Variants in FBXL20 observed in about 807,000 individuals in gnomAD.
The protein encoded by FBXL20 is F-box/LRR-repeat protein 20.
In FBXL20, 11 loss-of-function variants were observed where a neutral mutation model predicts 64.0. That is an observed-to-expected ratio of 0.17 (90% CI 0.11 to 0.28). The LOEUF is 0.28. Ranked by LOEUF, FBXL20 falls within the 10% of genes least tolerant of loss-of-function variation. The probability of loss-of-function intolerance (pLI) is 1.00; values close to 1 mark genes in which losing one functional copy is unlikely to be tolerated. For synonymous variants in FBXL20, 184 were observed against 189.0 expected (o/e 0.97, Z 0.22); for missense variants, 303 against 526.2 (o/e 0.58, Z 4.15).
At chr17:39,384,194 C>G (rs1363754821) in intron 1 of FBXL20, among the ~76,000 whole-genome samples, 1 of 152,044 alleles carries the variant, frequency 6.6e-6, no homozygotes, top group Non-Finnish European at 1.5e-5. Context: ...TGATCATACT[C>G]TTGCACTCCA....
intron 2 of FBXL20, among the ~76,000 whole-genome samples, chr17:39,336,494 A>C (rs2047523127): frequency 1.3e-5 from 2 of 152,244 alleles, no homozygotes; most frequent in Admixed American, 1.3e-4. Flanking sequence ...TAAATAGAAC[A>C]GATGGGAAAG....
chr17:39,339,657 CT>C (rs56824942), intron 2 of FBXL20, among the ~76,000 whole-genome samples: 55,139 of 147,966 alleles, frequency 0.37, 12,530 homozygotes, highest in African/African-American at 0.65. Flanking sequence ...GTTCACAGAA[CT>C]TTTTTTTTTT....
chr17:39,297,250 T>C, intron 5 of FBXL20, 55 bp from the exon 6 acceptor site: 1 of 1,025,338 alleles, frequency 9.8e-7, no homozygotes, highest in South Asian at 1.4e-5. Flanking sequence ...ATTCCAGTCA[T>C]TAAAAAAGTA....
At chr17:39,306,154 CTTT>C (rs113757275) in intron 2 of FBXL20, among the ~76,000 whole-genome samples, 4 of 140,708 alleles carry the variant, frequency 2.8e-5, no homozygotes, top group Non-Finnish European at 4.6e-5. Flanking sequence ...AGAGTGAGTT[CTTT>C]TTTTTTTTTT....
At chr17:39,401,792 G>T (rs1657571124), upstream of FBXL20, 1 of 911,844 alleles carries the variant, frequency 1.1e-6, no homozygotes, top group Non-Finnish European at 1.4e-6. Flanking sequence ...ACACGGGGCC[G>T]GCCCTGACGG....
At chr17:39,297,880 C>A (rs1597783214) in intron 5 of FBXL20, among the ~76,000 whole-genome samples, 1 of 151,904 alleles carries the variant, frequency 6.6e-6, no homozygotes, top group Non-Finnish European at 1.5e-5. Flanking sequence ...GAATTACAGG[C>A]ACGCACCACC....
chr17:39,400,435 CTG>C (rs1477392740), intron 1 of FBXL20, among the ~76,000 whole-genome samples: 1 of 152,238 alleles, frequency 6.6e-6, no homozygotes, highest in Non-Finnish European at 1.5e-5. Flanking sequence ...GTCCACTGAG[CTG>C]TGAGTGATCC....
chr17:39,380,017 C>A (rs1386810278), intron 1 of FBXL20, among the ~76,000 whole-genome samples: 1 of 151,872 alleles, frequency 6.6e-6, no homozygotes, highest in African/African-American at 2.4e-5. Context: ...TATATAAGTT[C>A]TACTTTCAAA....
intron 7 of FBXL20, among the ~76,000 whole-genome samples, chr17:39,283,174 C>A (rs1044926281): frequency 8.5e-5 from 13 of 152,108 alleles, no homozygotes; most frequent in South Asian, 2.1e-4. Context: ...GTGATTTATT[C>A]TAGTTTACAG....
chr17:39,287,320 T>C (rs897205678), intron 6 of FBXL20, among the ~76,000 whole-genome samples: 4 of 152,226 alleles, frequency 2.6e-5, no homozygotes, highest in African/African-American at 9.6e-5. Context: ...CAAGTTGATT[T>C]GTTCAAATTA....
chr17:39,391,741 A>G (rs1287486267), intron 1 of FBXL20, among the ~76,000 whole-genome samples: 2 of 152,176 alleles, frequency 1.3e-5, no homozygotes, highest in African/African-American at 2.4e-5. Flanking sequence ...ACATTCCAAC[A>G]GAGAGCTCTG....
intron 6 of FBXL20, among the ~76,000 whole-genome samples, chr17:39,289,998 CAAAAAAAAA>C (rs368530587): frequency 5.5e-4 from 23 of 41,876 alleles, no homozygotes; most frequent in Admixed American, 4.9e-3. Context: ...GACTCAGTCT[CAAAAAAAAA>C]AAAAAAAAAA....
chr17:39,344,206 C>A (rs1415307674), intron 1 of FBXL20, among the ~76,000 whole-genome samples: 2 of 151,750 alleles, frequency 1.3e-5, no homozygotes, highest in African/African-American at 4.8e-5. Context: ...AAAAAATGAA[C>A]CAGGCGTGGT....
chr17:39,399,180 G>A (rs2048216813), intron 1 of FBXL20, among the ~76,000 whole-genome samples: 2 of 150,350 alleles, frequency 1.3e-5, no homozygotes, highest in Non-Finnish European at 2.9e-5. Flanking sequence ...GCTATTATGT[G>A]ATATAAAGAT....
chr17:39,301,126 A>C, intron 3 of FBXL20, 51 bp from the exon 4 acceptor site: 1 of 1,536,392 alleles, frequency 6.5e-7, no homozygotes, highest in South Asian at 1.1e-5. Context: ...ATTAAGGGGA[A>C]AAGGCAGCAA....
chr17:39,337,399 G>A (rs1191803556), intron 2 of FBXL20, among the ~76,000 whole-genome samples: 4 of 152,240 alleles, frequency 2.6e-5, no homozygotes, highest in Non-Finnish European at 5.9e-5. Flanking sequence ...GCCTCTGCCC[G>A]GCCGCCACCC....
At chr17:39,321,370 T>A (rs1197636299) in intron 2 of FBXL20, among the ~76,000 whole-genome samples, 1 of 150,110 alleles carries the variant, frequency 6.7e-6, no homozygotes, top group African/African-American at 2.5e-5. Flanking sequence ...GAGTTGGAGG[T>A]TGAACCTGGG....
At chr17:39,394,186 T>G (rs367721174) in intron 1 of FBXL20, among the ~76,000 whole-genome samples, 2 of 152,068 alleles carry the variant, frequency 1.3e-5, no homozygotes, top group South Asian at 2.1e-4. Flanking sequence ...TCTCCCTCCC[T>G]CCTTTGGATT....
At chr17:39,363,634 G>GC (rs1440418807) in intron 1 of FBXL20, among the ~76,000 whole-genome samples, 1 of 151,536 alleles carries the variant, frequency 6.6e-6, no homozygotes, top group Non-Finnish European at 1.5e-5. Flanking sequence ...ACATGATGAG[G>GC]CCCCTCCTCT....
Sources: allele counts gnomAD v4.1 joint callset (sites outside exome capture counted in the v4.1 genomes callset), GRCh38; gene constraint gnomAD v4.1.1; transcripts MANE v1.5; gene names NCBI Gene and HGNC (gene_info 2026-07-23, HGNC 2026-07-21).